The following GPR158 variants were observed in gnomAD, a reference collection of about 807,000 sequenced individuals.
GPR158 encodes metabotropic glycine receptor.
In GPR158, 30 loss-of-function variants were observed where a neutral mutation model predicts 78.2. That is an observed-to-expected ratio of 0.38 (90% CI 0.29 to 0.52). The LOEUF (loss-of-function observed/expected upper bound fraction) is 0.52. Ranked by LOEUF, GPR158 falls within the 20% of genes least tolerant of loss-of-function variation. The pLI is 0.83. For missense variants in GPR158, 1,463 were observed against 1,523.5 expected (o/e 0.96, Z 0.66); for synonymous variants, 581 against 591.1 (o/e 0.98, Z 0.25).
intron 2 of GPR158, among the ~76,000 whole-genome samples, chr10:25,272,671 G>C (rs1192267906): frequency 6.6e-6 from 1 of 152,150 alleles, no homozygotes; most frequent in African/African-American, 2.4e-5. Flanking sequence ...TGGTCCTCCT[G>C]TACAAAATGG....
At chr10:25,393,964 C>T (rs1834335984) in intron 2 of GPR158, 3 of 152,166 alleles carry the variant, frequency 2.0e-5, no homozygotes, top group African/African-American at 7.2e-5. Flanking sequence ...CCAGACATCT[C>T]TTCTAAACTT....
intron 2 of GPR158, among the ~76,000 whole-genome samples, chr10:25,363,995 A>AT (rs1472100921): frequency 6.6e-6 from 1 of 151,992 alleles, no homozygotes; most frequent in Non-Finnish European, 1.5e-5. Flanking sequence ...TTGCTTGAGA[A>AT]TTACATGAAT....
chr10:25,431,422 T>A (rs1043738916), intron 4 of GPR158, among the ~76,000 whole-genome samples: 2 of 146,866 alleles, frequency 1.4e-5, no homozygotes, highest in African/African-American at 5.0e-5. Context: ...GACTGTAAAC[T>A]AGTTCACCCA....
chr10:25,400,529 C>T (rs1279917213), intron 3 of GPR158, among the ~76,000 whole-genome samples: 1 of 152,162 alleles, frequency 6.6e-6, no homozygotes, highest in East Asian at 1.9e-4. Context: ...TTGTTCCTGG[C>T]ATTGCTCTTG....
At chr10:25,184,964 C>A (rs1302977920) in intron 1 of GPR158, among the ~76,000 whole-genome samples, 1 of 152,198 alleles carries the variant, frequency 6.6e-6, no homozygotes, top group Non-Finnish European at 1.5e-5. Context: ...CATTTGGGAC[C>A]AGATAGGCCT....
intron 5 of GPR158, 53 bp from the exon 6 acceptor site, chr10:25,550,923 G>A (rs1224669087): frequency 1.1e-6 from 1 of 880,938 alleles, no homozygotes; most frequent in Non-Finnish European, 2.0e-6. Context: ...ATTGACTTGG[G>A]TCTGTGGGTC....
At chr10:25,180,840 G>C (rs1031450318) in intron 1 of GPR158, among the ~76,000 whole-genome samples, 3 of 150,488 alleles carry the variant, frequency 2.0e-5, no homozygotes, top group Non-Finnish European at 3.0e-5. Flanking sequence ...GAAACCAAGT[G>C]AATGTTAGAC....
intron 2 of GPR158, among the ~76,000 whole-genome samples, chr10:25,247,640 T>C (rs1445903976): frequency 1.1e-4 from 16 of 147,144 alleles, no homozygotes; most frequent in African/African-American, 3.5e-4. Flanking sequence ...ACAAAGGACA[T>C]GAACTCATCA....
At chr10:25,240,799 G>A (rs1853593820) in intron 2 of GPR158, among the ~76,000 whole-genome samples, 2 of 152,098 alleles carry the variant, frequency 1.3e-5, no homozygotes, top group Admixed American at 6.5e-5. Context: ...TCTATCAATT[G>A]GGAGTAGAGC....
At chr10:25,254,367 T>C (rs773172714) in intron 2 of GPR158, among the ~76,000 whole-genome samples, 11 of 152,224 alleles carry the variant, frequency 7.2e-5, no homozygotes, top group Non-Finnish European at 1.5e-4. Flanking sequence ...TACTGTACGC[T>C]GTAGCAGATC....
At chr10:25,396,041 A>G (rs1834358953) in intron 3 of GPR158, 28 bp downstream of exon 3, 1 of 963,220 alleles carries the variant, frequency 1.0e-6, no homozygotes, top group Non-Finnish European at 1.7e-6. Context: ...CTATGTATAT[A>G]TATGTATATA....
At chr10:25,463,807 G>A (rs1245777959) in intron 4 of GPR158, among the ~76,000 whole-genome samples, 2 of 151,052 alleles carry the variant, frequency 1.3e-5, no homozygotes, top group Non-Finnish European at 2.9e-5. Flanking sequence ...CTTTGAACTT[G>A]TCAATGTATT....
At chr10:25,569,611 T>G (rs897829638) in intron 6 of GPR158, among the ~76,000 whole-genome samples, 1 of 152,180 alleles carries the variant, frequency 6.6e-6, no homozygotes, top group African/African-American at 2.4e-5. Flanking sequence ...TGCCAACCAG[T>G]TCCCCCTACT....
intron 2 of GPR158, among the ~76,000 whole-genome samples, chr10:25,262,520 C>T (rs1181266439): frequency 2.0e-5 from 3 of 151,906 alleles, no homozygotes; most frequent in Non-Finnish European, 4.4e-5. Context: ...AATAAATACC[C>T]ACAAATTTCT....
chr10:25,592,659 T>C (rs1352220655), intron 8 of GPR158, among the ~76,000 whole-genome samples: 2 of 152,064 alleles, frequency 1.3e-5, no homozygotes, highest in Non-Finnish European at 2.9e-5. Context: ...TTTTAAATTA[T>C]GTGCAAGCAT....
Position 25,329,439 on chromosome 10 carries a change from CA to C in GPR158, c.1009-66459del, listed in dbSNP as rs57202909. Among the ~76,000 whole-genome samples the C allele has an allele frequency of 5.3e-3, 698 of 130,860 alleles. 3 individuals are homozygous for C. The highest frequency in any genetic ancestry group is 0.017 in the Middle Eastern group (4 of 232). 85.8% of individuals were successfully genotyped at this position (130,860 alleles called of 152,430 possible). On this transcript the variant is annotated intron_variant, in intron 2 of 10. Transcript: ENST00000376351. Reference sequence around the variant, plus strand: ...TGGGCAACAGAGTGAGACTCCGTTTCAAAAAAAAAAAAAGAAGATGCATTTT... The same window carrying C: ...TGGGCAACAGAGTGAGACTCCGTTTCAAAAAAAAAAAAGAAGATGCATTTT...
chr10:25,244,203 A>G (rs377171818), intron 2 of GPR158: 6 of 152,226 alleles, frequency 3.9e-5, no homozygotes, highest in African/African-American at 9.6e-5. Flanking sequence ...AAATTACCCC[A>G]CTTTGCTGTT....
At chr10:25,393,652 G>A (rs971712643) in intron 2 of GPR158, 21 of 152,150 alleles carry the variant, frequency 1.4e-4, no homozygotes, top group African/African-American at 5.1e-4. Context: ...AGCAGCTTGT[G>A]TACCCTTGAG....
chr10:25,242,710 T>C (rs1409207517), intron 2 of GPR158, among the ~76,000 whole-genome samples: 1 of 152,220 alleles, frequency 6.6e-6, no homozygotes, highest in Non-Finnish European at 1.5e-5. Flanking sequence ...GGAATGAAAA[T>C]TATTTATTTT....
Sources: gnomAD v4.1 joint callset for allele counts (sites outside exome capture counted in the v4.1 genomes callset) on GRCh38, gnomAD v4.1.1 for gene constraint, MANE v1.5 for transcripts, NCBI Gene and HGNC (gene_info 2026-07-23, HGNC 2026-07-21) for gene names.